RANBP2: variants seen among roughly 807,000 people sequenced by gnomAD.
RANBP2 encodes E3 SUMO-protein ligase RanBP2.
RANBP2 carries 57 observed loss-of-function variants against 303.6 expected under a neutral mutation model. The observed-to-expected ratio is 0.19, with a 90% confidence interval of 0.15 to 0.23. RANBP2 has a LOEUF of 0.23. RANBP2 is among the 10% of genes least tolerant of loss of function. RANBP2 has a pLI of 1.00. For synonymous variants in RANBP2, 1,167 were observed against 1,301.5 expected (o/e 0.90, Z 2.23); for missense variants, 3,138 against 3,780.8 (o/e 0.83, Z 4.46).
At chr2:109,716,754 G>A in the RANBP2 span, among the ~76,000 whole-genome samples, 1 of 151,922 alleles carries the variant, frequency 6.6e-6, no homozygotes, top group Admixed American at 6.6e-5. Context: ...TTGCTATGTT[G>A]CCTAGGCTGA....
chr2:108,783,469 C>T (rs1678403125), intron 28 of RANBP2, 127 bp from the exon 29 acceptor site: 1 of 609,934 alleles, frequency 1.6e-6, no homozygotes, highest in East Asian at 3.2e-5. Context: ...TCAAACTATA[C>T]TCAGGAAAGC....
At chr2:109,586,978 C>T in the RANBP2 span, among the ~76,000 whole-genome samples, 1 of 151,798 alleles carries the variant, frequency 6.6e-6, no homozygotes, top group Non-Finnish European at 1.5e-5. Flanking sequence ...ATCTACTATA[C>T]AATAAAAAAA....
the RANBP2 span, among the ~76,000 whole-genome samples, chr2:109,132,523 G>C: frequency 6.6e-6 from 1 of 152,160 alleles, no homozygotes; most frequent in African/African-American, 2.4e-5. Flanking sequence ...AAGCGCTTTT[G>C]TGGAGTCAGT....
At chr2:109,316,946 T>C in the RANBP2 span, among the ~76,000 whole-genome samples, 3 of 152,338 alleles carry the variant, frequency 2.0e-5, no homozygotes, top group Middle Eastern at 0.01. Flanking sequence ...TAATTCATGT[T>C]TGAGGTTCCT....
At chr2:108,787,801 G>T (rs1053590242), downstream of RANBP2, among the ~76,000 whole-genome samples, 1 of 151,738 alleles carries the variant, frequency 6.6e-6, no homozygotes. Flanking sequence ...GATTGATTAT[G>T]CATTTTTGGC....
At chr2:109,088,698 G>A in the RANBP2 span, among the ~76,000 whole-genome samples, 33,185 of 151,922 alleles carry the variant, frequency 0.22, 5,190 homozygotes, top group East Asian at 0.64. Context: ...TTTTAGAAGA[G>A]ACGGGGTTTC....
At chr2:109,341,207 A>G in the RANBP2 span, among the ~76,000 whole-genome samples, 1 of 152,238 alleles carries the variant, frequency 6.6e-6, no homozygotes, top group African/African-American at 2.4e-5. Context: ...TGAATGAGAA[A>G]AAGGGACAAA....
At chr2:109,526,185 C>T in the RANBP2 span, among the ~76,000 whole-genome samples, 1 of 152,192 alleles carries the variant, frequency 6.6e-6, no homozygotes, top group South Asian at 2.1e-4. Context: ...GCTCATCTGC[C>T]ACCCTCTGAG....
the RANBP2 span, among the ~76,000 whole-genome samples, chr2:109,629,133 C>T: frequency 2.6e-5 from 4 of 150,960 alleles, no homozygotes; most frequent in African/African-American, 4.9e-5. Flanking sequence ...ACCCAGGAGA[C>T]GGATGTTGCA....
At chr2:109,154,873 G>A in the RANBP2 span, among the ~76,000 whole-genome samples, 2 of 152,188 alleles carry the variant, frequency 1.3e-5, no homozygotes, top group Non-Finnish European at 2.9e-5. Context: ...GAAATTCTTC[G>A]GGAGCAGAGC....
the RANBP2 span, among the ~76,000 whole-genome samples, chr2:108,857,364 C>A: frequency 2.0e-5 from 3 of 152,104 alleles, no homozygotes; most frequent in African/African-American, 7.2e-5. Context: ...CCACTGCGCC[C>A]GGACTATTGC....
chr2:108,786,959 G>C (rs576478641), downstream of RANBP2: 2 of 1,364,468 alleles, frequency 1.5e-6, no homozygotes, highest in Non-Finnish European at 9.7e-7. Context: ...CCTGCTGCTG[G>C]GGGGCGGCCC....
At chr2:108,997,658 G>A in the RANBP2 span, among the ~76,000 whole-genome samples, 15 of 151,936 alleles carry the variant, frequency 9.9e-5, no homozygotes, top group Non-Finnish European at 1.9e-4. Context: ...GTGAGAGGCC[G>A]AGGTGGGTGG....
the RANBP2 span, among the ~76,000 whole-genome samples, chr2:109,363,560 G>A: frequency 3.9e-5 from 6 of 152,040 alleles, no homozygotes; most frequent in Non-Finnish European, 7.4e-5. Context: ...CTGGTGCGTT[G>A]CCTTTCTTTC....
chr2:109,379,341 A>G, the RANBP2 span, among the ~76,000 whole-genome samples: 1 of 152,236 alleles, frequency 6.6e-6, no homozygotes, highest in Non-Finnish European at 1.5e-5. Flanking sequence ...GGAACTGGAA[A>G]ACGCCTTTAA....
the RANBP2 span, among the ~76,000 whole-genome samples, chr2:109,273,320 G>A: frequency 6.6e-6 from 1 of 152,228 alleles, no homozygotes; most frequent in South Asian, 2.1e-4. Flanking sequence ...GTCTTCCTGA[G>A]CTTGTCTGGA....
chr2:108,920,807 T>C, the RANBP2 span, among the ~76,000 whole-genome samples: 2 of 152,182 alleles, frequency 1.3e-5, no homozygotes, highest in African/African-American at 4.8e-5. Context: ...GGGGCACTCA[T>C]GATGTGCTTC....
the RANBP2 span, among the ~76,000 whole-genome samples, chr2:109,506,629 C>G: frequency 6.6e-6 from 1 of 152,154 alleles, no homozygotes; most frequent in East Asian, 1.9e-4. Flanking sequence ...TTACAACAGC[C>G]CCCGAAGTGT....
chr2:109,498,299 G>T, the RANBP2 span, among the ~76,000 whole-genome samples: 1 of 152,156 alleles, frequency 6.6e-6, no homozygotes, highest in Non-Finnish European at 1.5e-5. Context: ...AACCTGGCCT[G>T]TTCTGCTTCC....
Sources: allele counts gnomAD v4.1 joint callset (sites outside exome capture counted in the v4.1 genomes callset), GRCh38; gene constraint gnomAD v4.1.1; transcripts MANE v1.5; gene names NCBI Gene and HGNC (gene_info 2026-07-23, HGNC 2026-07-21).